Variants in FGF12 observed in about 807,000 individuals in gnomAD.
FGF12 encodes the protein fibroblast growth factor 12.
A neutral mutation model predicts 23.6 loss-of-function variants in FGF12; 14 were observed. The observed-to-expected ratio is 0.59, with a 90% CI of 0.39 to 0.93. FGF12 has a LOEUF of 0.93. Among genes scored for constraint, FGF12 ranks in the 40% least tolerant of loss-of-function variants. FGF12 has a pLI of 0.00. For synonymous variants in FGF12, 62 were observed against 77.3 expected (o/e 0.80, Z 1.04); for missense variants, 175 against 217.8 (o/e 0.80, Z 1.24).
intron 2 of FGF12, among the ~76,000 whole-genome samples, chr3:192,415,732 TCACACACACACACACA>T (rs572589902): frequency 2.5e-5 from 3 of 117,944 alleles, no homozygotes; most frequent in African/African-American, 9.5e-5. Context: ...TCTCTCTCTC[TCACACACACACACACA>T]CACACACACA....
intron 4 of FGF12, among the ~76,000 whole-genome samples, chr3:192,305,131 A>G (rs1715553446): frequency 6.6e-6 from 1 of 152,162 alleles, no homozygotes; most frequent in Non-Finnish European, 1.5e-5. Context: ...CTAAATTGTT[A>G]TAAATGCATG....
Position 192,240,127 on chromosome 3 carries a change from G to A in FGF12, c.229-69471C>T, listed in dbSNP as rs116583079. Reference sequence around the variant, plus strand: ...TCCCCACCCTTATGGTAATCCATTAGTATGCTGAAGGCTCAGAGGAAATAG... The same window carrying A: ...TCCCCACCCTTATGGTAATCCATTAATATGCTGAAGGCTCAGAGGAAATAG... On this transcript the variant is annotated intron_variant, in intron 4 of 5. Coordinates refer to ENST00000445105, the MANE Select transcript of FGF12 (RefSeq NM_004113.6). Among the ~76,000 whole-genome samples, 935 of 152,262 alleles carry A rather than the reference G, an allele frequency of 6.1e-3. 8 individuals carry two copies. The highest frequency in any genetic ancestry group is 0.022 in the African/African-American group (914 of 41,550).
At chr3:192,428,781 T>C (rs1721766472) in intron 2 of FGF12, among the ~76,000 whole-genome samples, 1 of 152,178 alleles carries the variant, frequency 6.6e-6, no homozygotes, top group African/African-American at 2.4e-5. Flanking sequence ...TCCAGCACCT[T>C]AGCTTTAGAT....
intron 2 of FGF12, among the ~76,000 whole-genome samples, chr3:192,664,602 ATAC>A (rs145746540): frequency 3.2e-3 from 278 of 86,660 alleles, no homozygotes; most frequent in South Asian, 5.0e-3. Context: ...TACAAAAAAA[ATAC>A]AAAAAAAAAA....
At position 192,280,810 on chromosome 3, in the gene FGF12, A is replaced by G. The variant is rs569605949; in HGVS notation, c.228+54551T>C. On this transcript the variant is annotated intron_variant, in intron 4 of 5. Coordinates refer to ENST00000445105, the MANE Select transcript of FGF12 (RefSeq NM_004113.6). ...GGATAAATAGCAATAATATAAGCTAAAATATTGTAATTTTTAGTTCAAATG... is the reference window on the plus strand; with the variant it reads ...GGATAAATAGCAATAATATAAGCTAGAATATTGTAATTTTTAGTTCAAATG... 3.9e-5 allele frequency among the ~76,000 whole-genome samples: 6 copies of G among 152,314 alleles called. No homozygotes were observed. The South Asian group carries it at 1.2e-3, about 32-fold the overall frequency.
intron 2 of FGF12, among the ~76,000 whole-genome samples, chr3:192,376,785 T>A (rs1163587107): frequency 1.3e-5 from 2 of 152,260 alleles, no homozygotes; most frequent in African/African-American, 4.8e-5. Flanking sequence ...TATTTTAGAT[T>A]CATCTTAATA....
At chr3:192,461,615 C>T (rs1722863295) in intron 2 of FGF12, among the ~76,000 whole-genome samples, 2 of 152,034 alleles carry the variant, frequency 1.3e-5, no homozygotes, top group South Asian at 4.2e-4. Flanking sequence ...GAGATTATAA[C>T]TGAATTCACT....
intron 2 of FGF12, among the ~76,000 whole-genome samples, chr3:192,557,240 T>C (rs1321227003): frequency 6.9e-6 from 1 of 144,266 alleles, no homozygotes; most frequent in African/African-American, 2.6e-5. Context: ...AGAAAAACAA[T>C]AGAAAGAAAT....
At chr3:192,625,278 C>T (rs1319962435) in intron 2 of FGF12, among the ~76,000 whole-genome samples, 1 of 152,080 alleles carries the variant, frequency 6.6e-6, no homozygotes, top group Non-Finnish European at 1.5e-5. Context: ...TACCAATTCT[C>T]ATACTTGTAT....
At chr3:192,688,860 C>A (rs1035220943) in intron 2 of FGF12, among the ~76,000 whole-genome samples, 3 of 151,832 alleles carry the variant, frequency 2.0e-5, no homozygotes, top group South Asian at 2.1e-4. Context: ...AGTGGACAAA[C>A]GGATAAATAA....
chr3:192,556,361 A>G (rs1371417538), intron 2 of FGF12, among the ~76,000 whole-genome samples: 1 of 152,222 alleles, frequency 6.6e-6, no homozygotes, highest in Non-Finnish European at 1.5e-5. Context: ...AAAGAGAATC[A>G]TGGTAACCAT....
At chr3:192,624,747 G>A (rs2108650642) in intron 2 of FGF12, among the ~76,000 whole-genome samples, 1 of 152,148 alleles carries the variant, frequency 6.6e-6, no homozygotes, top group African/African-American at 2.4e-5. Context: ...TACAATGATT[G>A]TAAAATTAAT....
intron 3 of FGF12, among the ~76,000 whole-genome samples, chr3:192,342,807 T>C (rs1027467986): frequency 3.3e-5 from 5 of 151,898 alleles, no homozygotes; most frequent in African/African-American, 1.2e-4. Flanking sequence ...AAAATAAACA[T>C]CCTGTCCAAT....
At chr3:192,190,395 G>A (rs554689051) in intron 4 of FGF12, among the ~76,000 whole-genome samples, 1 of 150,162 alleles carries the variant, frequency 6.7e-6, no homozygotes, top group African/African-American at 2.4e-5. Flanking sequence ...ATTTAACAGA[G>A]CTACAATATT....
intron 2 of FGF12, among the ~76,000 whole-genome samples, chr3:192,542,607 T>A (rs1488251265): frequency 2.0e-5 from 3 of 152,146 alleles, no homozygotes; most frequent in Non-Finnish European, 2.9e-5. Context: ...TTTATTGTAG[T>A]CTTCACAGTC....
rs74728868 is a variant in FGF12, at chr3:192,721,957, T to G, written c.13+5224A>C. ...ACCTACTAGAACTCTGAAAGATGAATGGAGAAGACACATAAAATGCTAGAA... is the reference window on the plus strand; with the variant it reads ...ACCTACTAGAACTCTGAAAGATGAAGGGAGAAGACACATAAAATGCTAGAA... On this transcript the variant is annotated intron_variant, in intron 2 of 5. Transcript: ENST00000445105. Among the ~76,000 whole-genome samples, 839 of 152,288 alleles carry G rather than the reference T, an allele frequency of 5.5e-3. 10 individuals are homozygous for G. Among genetic ancestry groups the G allele is most frequent in the African/African-American group, 0.02 (815 of 41,560 alleles).
At position 192,425,607 on chromosome 3, in the gene FGF12, A is replaced by G. The variant is rs912493737; in HGVS notation, c.14-65069T>C. On this transcript the variant is annotated intron_variant, in intron 2 of 5. Transcript: ENST00000445105. ...ATAAATGAATGAACAGTGTTTGGAGAGTGTTACCAGCTTATTGGGTCAAGA... is the reference window on the plus strand; with the variant it reads ...ATAAATGAATGAACAGTGTTTGGAGGGTGTTACCAGCTTATTGGGTCAAGA... Among the ~76,000 whole-genome samples, 55 of 152,342 alleles carry G rather than the reference A, an allele frequency of 3.6e-4. 1 individual carries two copies. Among genetic ancestry groups the G allele is most frequent in the African/African-American group, 1.3e-3 (53 of 41,580 alleles).
chr3:192,644,664 C>G (rs1470923713), intron 2 of FGF12, among the ~76,000 whole-genome samples: 1 of 152,132 alleles, frequency 6.6e-6, no homozygotes, highest in Non-Finnish European at 1.5e-5. Flanking sequence ...CACACATCTT[C>G]TCAGTTAGAG....
intron 4 of FGF12, among the ~76,000 whole-genome samples, chr3:192,300,852 C>T (rs956558454): frequency 5.9e-5 from 9 of 151,722 alleles, no homozygotes; most frequent in Non-Finnish European, 1.3e-4. Flanking sequence ...CCCCATCTCT[C>T]CTAAGAAATA....
Sources: gnomAD v4.1 joint callset for allele counts (sites outside exome capture counted in the v4.1 genomes callset) on GRCh38, gnomAD v4.1.1 for gene constraint, MANE v1.5 for transcripts, NCBI Gene and HGNC (gene_info 2026-07-23, HGNC 2026-07-21) for gene names.